The following TAFA1 variants were observed in gnomAD, a reference collection of about 807,000 sequenced individuals.
The protein encoded by TAFA1 is chemokine-like protein TAFA-1.
TAFA1 carries 4 observed loss-of-function variants against 18.5 expected under a neutral mutation model. That is an observed-to-expected ratio of 0.22 (90% CI 0.11 to 0.49). The LOEUF is 0.49. TAFA1 is among the 20% of genes least tolerant of loss of function. The pLI is 0.98. For missense variants in TAFA1, 147 were observed against 169.0 expected, an observed-to-expected ratio of 0.87 and a Z score of 0.72; for synonymous variants, 56 against 55.2, an observed-to-expected ratio of 1.01 and a Z score of -0.06.
chr3:68,517,279 C>T (rs192523763), intron 3 of TAFA1, among the ~76,000 whole-genome samples: 36 of 152,048 alleles, frequency 2.4e-4, no homozygotes, highest in African/African-American at 5.3e-4. Flanking sequence ...TTATATTGAC[C>T]GCAGAGAATG....
At chr3:68,199,876 C>T (rs779399100) in intron 2 of TAFA1, among the ~76,000 whole-genome samples, 1 of 151,424 alleles carries the variant, frequency 6.6e-6, no homozygotes, top group Non-Finnish European at 1.5e-5. Context: ...CCAGTATGAA[C>T]ATTGAAAAGG....
At chr3:68,330,933 A>G (rs1188254151) in intron 2 of TAFA1, among the ~76,000 whole-genome samples, 1 of 152,166 alleles carries the variant, frequency 6.6e-6, no homozygotes, top group Non-Finnish European at 1.5e-5. Context: ...GTTTAAAAAT[A>G]GTTCCATACC....
chr3:68,332,342 G>A lies in TAFA1; in HGVS notation c.119-84938G>A, dbSNP rs1027677705. Among the ~76,000 whole-genome samples, 7 of 151,868 alleles carry A rather than the reference G, an allele frequency of 4.6e-5. No homozygotes were observed. In the East Asian group the frequency reaches 5.8e-4, roughly 13 times the overall value. On this transcript the variant is annotated intron_variant, in intron 2 of 4. Transcript: ENST00000478136. ...AGAAAATATAGTAGAAAATCTTCACGGCATTTGTTTTGACAATAATTTTTT... is the reference window on the plus strand; with the variant it reads ...AGAAAATATAGTAGAAAATCTTCACAGCATTTGTTTTGACAATAATTTTTT...
intron 2 of TAFA1, among the ~76,000 whole-genome samples, chr3:68,408,991 A>C (rs2070662847): frequency 6.6e-6 from 1 of 152,212 alleles, no homozygotes; most frequent in Admixed American, 6.5e-5. Context: ...AAAGCAAGAC[A>C]TTATTTTTTA....
In TAFA1 at chr3:68,459,205, G is replaced by A. The variant is rs145957516; in HGVS notation, c.259+41785G>A. The stretch of plus-strand genomic sequence containing the variant: ...GGCAATTCCCATTGCAGGAGCTGAG[G>A]GAATGAGTGTCTTGTCCTGAGAGGG... On this transcript the variant is annotated intron_variant, in intron 3 of 4. Coordinates refer to ENST00000478136, the MANE Select transcript of TAFA1 (RefSeq NM_213609.4). 2.5e-3 allele frequency among the ~76,000 whole-genome samples: 374 copies of A among 152,306 alleles called. 1 individual carries two copies. The highest frequency in any genetic ancestry group is 4.7e-3 in the Non-Finnish European group (317 of 68,028).
At position 68,153,212 on chromosome 3, in the gene TAFA1, AGTGCT is replaced by A. The variant is rs1162167913; in HGVS notation, c.118+146469_118+146473del. 3.3e-5 allele frequency among the ~76,000 whole-genome samples: 5 copies of A among 152,334 alleles called. No homozygotes were observed. In the East Asian group the frequency reaches 9.6e-4, roughly 29 times the overall value. On this transcript the variant is annotated intron_variant, in intron 2 of 4. Coordinates refer to ENST00000478136, the MANE Select transcript of TAFA1 (RefSeq NM_213609.4). ...AATGATACAAAATCTAACACGATCC[AGTGCT>A]CAACCAGGTGTGTCTATATATAGAT... is the stretch of plus-strand genomic sequence containing the variant.
At chr3:68,332,651 C>A (rs1462361953) in intron 2 of TAFA1, among the ~76,000 whole-genome samples, 3 of 152,042 alleles carry the variant, frequency 2.0e-5, no homozygotes, top group Non-Finnish European at 2.9e-5. Context: ...TGAAGGAGAC[C>A]AACAGGTATG....
intron 3 of TAFA1, among the ~76,000 whole-genome samples, chr3:68,519,179 C>T (rs376382780): frequency 6.6e-5 from 10 of 152,122 alleles, no homozygotes; most frequent in East Asian, 1.9e-4. Flanking sequence ...TATTAGAAGA[C>T]GAGGGCCTCA....
rs974208578 is a variant in TAFA1 at position 68,043,375 on chromosome 3, T to A, written c.118+36631T>A. Among the ~76,000 whole-genome samples, 5 of 152,210 alleles carry A rather than the reference T, an allele frequency of 3.3e-5. No homozygotes were observed. In the East Asian group the frequency reaches 9.6e-4, roughly 29 times the overall value. On this transcript the variant is annotated intron_variant, in intron 2 of 4. Coordinates refer to ENST00000478136, the MANE Select transcript of TAFA1 (RefSeq NM_213609.4). ...AATAATTTATTATTTTTGTTCTTTA[T>A]AAGCCACCTAGGTCCCCTGAGCCTC...
At chr3:68,028,237 T>C (rs550358318) in intron 2 of TAFA1, among the ~76,000 whole-genome samples, 1 of 151,558 alleles carries the variant, frequency 6.6e-6, no homozygotes, top group African/African-American at 2.4e-5. Context: ...AAGGTGGAGG[T>C]TGCAATGAGC....
chr3:68,491,530 G>C (rs1227150556), intron 3 of TAFA1, among the ~76,000 whole-genome samples: 1 of 125,030 alleles, frequency 8.0e-6, no homozygotes, highest in Non-Finnish European at 1.6e-5. Flanking sequence ...TCACACTCTG[G>C]GGACTGTTGT....
At chr3:68,112,208 T>C (rs2065270770) in intron 2 of TAFA1, among the ~76,000 whole-genome samples, 1 of 152,080 alleles carries the variant, frequency 6.6e-6, no homozygotes, top group Admixed American at 6.6e-5. Context: ...AAAAAGGAAT[T>C]ACGGGACAGG....
At chr3:68,429,720 T>C (rs1302937782) in intron 3 of TAFA1, among the ~76,000 whole-genome samples, 1 of 151,918 alleles carries the variant, frequency 6.6e-6, no homozygotes, top group Non-Finnish European at 1.5e-5. Flanking sequence ...TCAACACTTG[T>C]TAATCCATCT....
chr3:68,234,965 G>A (rs937108628), intron 2 of TAFA1, among the ~76,000 whole-genome samples: 37 of 152,134 alleles, frequency 2.4e-4, no homozygotes, highest in Middle Eastern at 6.3e-3. Flanking sequence ...GAGCACAGAT[G>A]AACTCCATTG....
At chr3:68,294,078 CCTT>C (rs1212085407) in intron 2 of TAFA1, among the ~76,000 whole-genome samples, 1 of 152,104 alleles carries the variant, frequency 6.6e-6, no homozygotes, top group Non-Finnish European at 1.5e-5. Context: ...TTTCTTGAGT[CCTT>C]CTTTATTTTA....
chr3:68,036,475 A>C (rs13064283), intron 2 of TAFA1, among the ~76,000 whole-genome samples: 10,423 of 151,452 alleles, frequency 0.069, 461 homozygotes, highest in Non-Finnish European at 0.096. Context: ...ACTGTAAGTA[A>C]ATTTTAAAAT....
intron 2 of TAFA1, among the ~76,000 whole-genome samples, chr3:68,175,587 A>G (rs1485864459): frequency 6.6e-6 from 1 of 152,072 alleles, no homozygotes; most frequent in East Asian, 1.9e-4. Context: ...GTTTCGGCCA[A>G]TCTCTCCCGT....
intron 2 of TAFA1, among the ~76,000 whole-genome samples, chr3:68,410,050 C>G (rs1226504356): frequency 2.0e-5 from 3 of 152,190 alleles, no homozygotes; most frequent in Middle Eastern, 3.2e-3. Context: ...GCATCCATTG[C>G]TAGGAGCATA....
chr3:68,060,450 A>T (rs2064588385), intron 2 of TAFA1, among the ~76,000 whole-genome samples: 1 of 152,174 alleles, frequency 6.6e-6, no homozygotes, highest in South Asian at 2.1e-4. Flanking sequence ...TTTTTAAAGA[A>T]CATTGTTTTA....
Sources: gnomAD v4.1 joint callset for allele counts (sites outside exome capture counted in the v4.1 genomes callset) on GRCh38, gnomAD v4.1.1 for gene constraint, MANE v1.5 for transcripts, NCBI Gene and HGNC (gene_info 2026-07-23, HGNC 2026-07-21) for gene names.